C19orf44: variants seen among roughly 807,000 people sequenced by gnomAD.
The protein encoded by C19orf44 is uncharacterized protein C19orf44.
Under a neutral mutation model 50.7 loss-of-function variants are expected in C19orf44, and 43 were observed. That is an observed-to-expected ratio of 0.85 (90% CI 0.66 to 1.09). The LOEUF is 1.09. Among genes scored for constraint, C19orf44 ranks in the 50% least tolerant of loss-of-function variants. C19orf44 has a pLI of 0.00. For synonymous variants in C19orf44, 298 were observed against 334.7 expected (o/e 0.89, Z 1.20); for missense variants, 722 against 836.2 (o/e 0.86, Z 1.68).
At position 16,517,232 on chromosome 19, in the gene C19orf44, C is replaced by T; in HGVS notation, c.1905C>T (p.Tyr635=). ...GTGGTCTGTTCTCTGCCTGACAGTA[C>T]ATTAGGTGCCACAGACCTGCCCCAC... The part of the protein sequence containing the change: ...HYHTLEEAKE[Y]IRCHRPAPLT... The change falls in exon 8 of 9, where the codon TAC becomes TAT. Residue 635 remains tyrosine (Y), a splice_region_variant and synonymous_variant. Coordinates refer to ENST00000221671, the MANE Select transcript of C19orf44 (RefSeq NM_032207.4). The T allele has an allele frequency of 3.1e-6, 5 of 1,614,012 alleles. No individual in the cohort carries two copies. Among genetic ancestry groups the T allele is most frequent in the Non-Finnish European group, 4.2e-6 (5 of 1,179,904 alleles).
chr19:16,517,395 T>A (rs936266237), intron 8 of C19orf44, 54 bp downstream of exon 8: 2 of 1,298,502 alleles, frequency 1.5e-6, no homozygotes, highest in East Asian at 2.4e-5. Flanking sequence ...ATAGAGCTCA[T>A]CAGTGTCCAA....
At chr19:16,502,395 G>A (rs974061744) in intron 2 of C19orf44, among the ~76,000 whole-genome samples, 46 of 151,726 alleles carry the variant, frequency 3.0e-4, no homozygotes, top group African/African-American at 9.2e-4. Context: ...ATACCACCAC[G>A]CCCAGCTAAT....
intron 7 of C19orf44, among the ~76,000 whole-genome samples, chr19:16,516,384 G>A (rs772512886): frequency 4.6e-5 from 7 of 152,130 alleles, no homozygotes; most frequent in Admixed American, 6.6e-5. Context: ...GGTTGAGGCT[G>A]TAGTGAGGGA....
Position 16,501,177 on chromosome 19 carries a change from AAG to A in C19orf44, c.390_391del (p.Arg130SerfsTer2), listed in dbSNP as rs2093424303. On this transcript the variant is annotated frameshift_variant, in exon 2 of 9. Transcript: ENST00000221671. LOFTEE classifies it high-confidence loss of function. ...AATGACCGCCGATGCTGGTCTTCCA[AAG>A]AGAGCTGACAGAATCCTCTCTGGGG... ...DSMTADAGLP[K>X]RADRILSGGA... 1.9e-6 allele frequency: 3 copies of A among 1,614,046 alleles called. No homozygotes were observed. The African/African-American group carries it at 4.0e-5, about 22-fold the overall frequency.
chr19:16,502,983 T>G, intron 2 of C19orf44, 82 bp from the exon 3 acceptor site: 1 of 1,310,612 alleles, frequency 7.6e-7, no homozygotes, highest in Non-Finnish European at 1.0e-6. Context: ...TGAGACCCTT[T>G]CTCAAAAAAA....
chr19:16,514,568 C>T lies in C19orf44; in HGVS notation c.1807C>T (p.Gln603Ter). The T allele has an allele frequency of 6.2e-7, 1 of 1,610,918 alleles. No homozygotes were observed. The highest frequency in any genetic ancestry group is 1.1e-5 in the South Asian group (1 of 90,694). Reference protein sequence around the residue: ...VLKQQLSLTQQFIQASRHLHA... With the variant: ...VLKQQLSLTQ ...GAAGCAGCAGCTGAGCCTGACGCAG[C>T]AGTTCATCCAGGCCAGCCGGCACCT... Residue 603 changes from glutamine to a stop codon, truncating the protein, a stop_gained, in exon 7 of 9, where the codon CAG becomes TAG. Coordinates refer to ENST00000221671, the MANE Select transcript of C19orf44 (RefSeq NM_032207.4). LOFTEE classifies it high-confidence loss of function.
In C19orf44 at chr19:16,500,926, C is replaced by G. The variant is rs768773567; in HGVS notation, c.134C>G (p.Pro45Arg). Reference sequence around the variant, plus strand: ...AGTAGAAATCTTACCAAAATAGCACCTGGTCATAGCAGATTTCTAAAAAGA... The same window carrying G: ...AGTAGAAATCTTACCAAAATAGCACGTGGTCATAGCAGATTTCTAAAAAGA... Reference protein sequence around the residue: ...QISRNLTKIAPGHSRFLKRNQ... With the variant: ...QISRNLTKIARGHSRFLKRNQ... Residue 45 changes from proline to arginine, a missense_variant, in exon 2 of 9, where the codon CCT becomes CGT. Transcript: ENST00000221671. 1.9e-6 allele frequency: 3 copies of G among 1,613,652 alleles called. No homozygotes were observed. The highest frequency in any genetic ancestry group is 1.7e-4 in the Middle Eastern group (1 of 6,060).
At position 16,520,943 on chromosome 19, in the gene C19orf44, C is replaced by T. The variant is rs766896734; in HGVS notation, c.*890C>T. 31 of 1,575,884 alleles carry T rather than the reference C, an allele frequency of 2.0e-5. No homozygotes were observed. The highest frequency in any genetic ancestry group is 8.3e-5 in the Admixed American group (5 of 59,980). Reference sequence around the variant, plus strand: ...AGACACGGCATTCCGTGTGTGACCACGTGACACCCACCCACAAGGAAGTCG... The same window carrying T: ...AGACACGGCATTCCGTGTGTGACCATGTGACACCCACCCACAAGGAAGTCG... On this transcript the variant is annotated 3_prime_UTR_variant, in exon 9 of 9. Coordinates refer to ENST00000221671, the MANE Select transcript of C19orf44 (RefSeq NM_032207.4). The surrounding 1 kb of genome is among the most constrained non-coding windows in gnomAD (Gnocchi z 4.0).
At chr19:16,505,679 A>T (rs1358659239) in intron 3 of C19orf44, among the ~76,000 whole-genome samples, 3 of 151,910 alleles carry the variant, frequency 2.0e-5, no homozygotes, top group Admixed American at 1.3e-4. Flanking sequence ...TATTATCATT[A>T]TTTGTTATGA....
intron 7 of C19orf44, 138 bp downstream of exon 7, chr19:16,514,801 C>CTTA: frequency 1.0e-6 from 1 of 988,302 alleles, no homozygotes; most frequent in Non-Finnish European, 1.3e-6. Flanking sequence ...GGGCCATCAC[C>CTTA]TGTCCCTGTG....
In C19orf44 at chr19:16,509,485, A is replaced by G. The variant is rs2093449984; in HGVS notation, c.1150-14A>G. On this transcript the variant is annotated splice_polypyrimidine_tract_variant and intron_variant, in intron 4 of 8. Transcript: ENST00000221671. Reference sequence around the variant, plus strand: ...AAAACACTTCCCAGCCACCTCTGCCATTCTTCATTTTAGGAGGAAAGTGCT... The same window carrying G: ...AAAACACTTCCCAGCCACCTCTGCCGTTCTTCATTTTAGGAGGAAAGTGCT... 6.5e-7 allele frequency: 1 copy of G among 1,530,368 alleles called. No individual in the cohort carries two copies. The allele number at this position is 1,530,368 out of a possible 1,614,324, so 94.8% of individuals were successfully genotyped here.
intron 4 of C19orf44, among the ~76,000 whole-genome samples, 192 bp from the exon 5 acceptor site, chr19:16,509,307 C>G (rs1459434683): frequency 3.9e-5 from 6 of 152,146 alleles, no homozygotes; most frequent in Non-Finnish European, 8.8e-5. Context: ...ATTCCTGCAG[C>G]CCCGTGGACA....
chr19:16,510,113 C>T (rs1278282579), intron 5 of C19orf44, 125 bp downstream of exon 5: 1 of 1,477,670 alleles, frequency 6.8e-7, no homozygotes, highest in African/African-American at 1.4e-5. Flanking sequence ...TTATTAATCA[C>T]CTGGAGGGGT....
At chr19:16,511,367 A>G (rs1270435291) in intron 5 of C19orf44, among the ~76,000 whole-genome samples, 2 of 151,892 alleles carry the variant, frequency 1.3e-5, no homozygotes, top group African/African-American at 4.8e-5. Context: ...CTTTGTAGAG[A>G]CAGGGTCTCC....
At chr19:16,497,313 G>A (rs1189177470) in intron 1 of C19orf44, among the ~76,000 whole-genome samples, 2 of 149,666 alleles carry the variant, frequency 1.3e-5, no homozygotes, top group Non-Finnish European at 3.0e-5. Context: ...ATGATAGGGT[G>A]TGTGGAGTTT....
At chr19:16,503,729 T>A (rs1439582761) in intron 3 of C19orf44, among the ~76,000 whole-genome samples, 2 of 152,154 alleles carry the variant, frequency 1.3e-5, no homozygotes, top group Non-Finnish European at 2.9e-5. Flanking sequence ...CACACCGGGC[T>A]AATTTTTGTA....
chr19:16,520,861 C>T lies in C19orf44; in HGVS notation c.*808C>T. 5 of 1,614,000 alleles carry T rather than the reference C, an allele frequency of 3.1e-6. No individual in the cohort carries two copies. The highest frequency in any genetic ancestry group is 4.2e-6 in the Non-Finnish European group (5 of 1,180,046). ...TCTCCTGGCCTTTCCTCCGCCGGGC[C>T]CGCATTTTTGCTCGGAAGAACTCAT... On this transcript the variant is annotated 3_prime_UTR_variant, in exon 9 of 9. Transcript: ENST00000221671. This position sits in a 1 kb window ranked among gnomAD's most constrained non-coding sequence, Gnocchi z 4.0.
chr19:16,504,010 T>G (rs946145657), intron 3 of C19orf44, among the ~76,000 whole-genome samples: 1 of 152,090 alleles, frequency 6.6e-6, no homozygotes, highest in Non-Finnish European at 1.5e-5. Context: ...AAACCCTGTT[T>G]TTACAAAAAA....
rs759470948 is a variant in C19orf44, at chr19:16,501,231, A to G, written c.439A>G (p.Thr147Ala). The change falls in exon 2 of 9, where the codon ACA (threonine) becomes GCA (alanine). Residue 147 changes from threonine (T) to alanine (A), a missense_variant. Transcript: ENST00000221671. ...GGALELASQN[T>A]DKTSQNQARE... Reference sequence around the variant, plus strand: ...TGCACTCGAACTCGCGTCCCAGAACACAGACAAAACTTCCCAGAATCAAGC... The same window carrying G: ...TGCACTCGAACTCGCGTCCCAGAACGCAGACAAAACTTCCCAGAATCAAGC... The G allele has an allele frequency of 1.2e-6, 2 of 1,614,202 alleles. No individual in the cohort carries two copies. Among genetic ancestry groups the G allele is most frequent in the Admixed American group, 1.7e-5 (1 of 59,996 alleles).
Sources: gnomAD v4.1 joint callset for allele counts (sites outside exome capture counted in the v4.1 genomes callset) on GRCh38, gnomAD v4.1.1 for gene constraint, Gnocchi (gnomAD v3.1) non-coding constraint, MANE v1.5 for transcripts, NCBI Gene and HGNC (gene_info 2026-07-23, HGNC 2026-07-21) for gene names.